Variants in ZNF257 observed in about 807,000 individuals in gnomAD.
The protein encoded by ZNF257 is zinc finger protein 257.
ZNF257 carries 12 observed loss-of-function variants against 11.9 expected under a neutral mutation model. That is an observed-to-expected ratio of 1.01 (90% CI 0.65 to 1.63). The LOEUF is 1.63. Ranked by LOEUF, ZNF257 falls within the 40% of genes most tolerant of loss-of-function variation. The probability of loss-of-function intolerance (pLI) is 0.00; values close to 1 mark genes in which losing one functional copy is unlikely to be tolerated. For missense variants in ZNF257, 580 were observed against 665.5 expected (o/e 0.87, Z 1.41); for synonymous variants, 183 against 222.7 (o/e 0.82, Z 1.59).
intron 2 of ZNF257, 136 bp from the exon 3 acceptor site, chr19:22,073,333 G>C: frequency 9.2e-7 from 1 of 1,085,150 alleles, no homozygotes; most frequent in South Asian, 2.2e-5. Context: ...TAAATATTTA[G>C]AAATTTCTGT....
chr19:22,086,180 C>T (rs1271089862), intron 3 of ZNF257, among the ~76,000 whole-genome samples: 7 of 151,812 alleles, frequency 4.6e-5, no homozygotes, highest in Admixed American at 2.0e-4. Context: ...GATGTGGTTT[C>T]GCTTCTTTCT....
chr19:22,054,457 T>G (rs1480829025), intron 1 of ZNF257, among the ~76,000 whole-genome samples: 1 of 152,196 alleles, frequency 6.6e-6, no homozygotes, highest in African/African-American at 2.4e-5. Flanking sequence ...AACTCTGGAT[T>G]GCAAAAATAG....
intron 1 of ZNF257, among the ~76,000 whole-genome samples, chr19:22,065,548 A>G (rs1214369085): frequency 2.6e-5 from 4 of 152,204 alleles, no homozygotes; most frequent in African/African-American, 4.8e-5. Flanking sequence ...CTAGTACATT[A>G]AAATTATATA....
Position 22,089,502 on chromosome 19 carries a change from T to A in ZNF257, c.*60T>A. 1 of 1,543,548 alleles carries A rather than the reference T, an allele frequency of 6.5e-7. No individual in the cohort carries two copies. Among genetic ancestry groups the A allele is most frequent in the Non-Finnish European group, 8.7e-7 (1 of 1,147,684 alleles). ...AAAGCTTTTAACTGTTCCTCAATCC[T>A]TACTAAACATAAGGGAATTCATAAT... On this transcript the variant is annotated 3_prime_UTR_variant, in exon 4 of 4. Coordinates refer to ENST00000594947, the MANE Select transcript of ZNF257 (RefSeq NM_033468.4).
intron 1 of ZNF257, among the ~76,000 whole-genome samples, chr19:22,066,590 T>A (rs779079288): frequency 1.3e-5 from 2 of 150,660 alleles, no homozygotes; most frequent in Middle Eastern, 3.2e-3. Context: ...TATTTTAAAA[T>A]GTAAATAGCC....
At chr19:22,055,225 G>A (rs1039709320) in intron 1 of ZNF257, among the ~76,000 whole-genome samples, 19 of 152,058 alleles carry the variant, frequency 1.2e-4, no homozygotes, top group Admixed American at 9.2e-4. Context: ...TGGTTTCTTT[G>A]AGACAGAGTC....
At chr19:22,058,245 A>C (rs1464607304) in intron 1 of ZNF257, among the ~76,000 whole-genome samples, 1 of 151,856 alleles carries the variant, frequency 6.6e-6, no homozygotes, top group Non-Finnish European at 1.5e-5. Context: ...TACCTGGATT[A>C]CCTATGTGCT....
intron 1 of ZNF257, among the ~76,000 whole-genome samples, chr19:22,058,208 T>C (rs572289956): frequency 6.6e-6 from 1 of 152,234 alleles, no homozygotes; most frequent in East Asian, 1.9e-4. Flanking sequence ...ACACAAAGGA[T>C]GGAGAATTTT....
rs139872956 is a variant in ZNF257 at position 22,066,302 on chromosome 19, A to G, written c.4-6507A>G. The G allele has an allele frequency of 5.2e-3, 792 of 152,836 alleles. 8 individuals are homozygous for G. Among genetic ancestry groups the G allele is most frequent in the African/African-American group, 0.018 (757 of 41,550 alleles). 9.5% of individuals were successfully genotyped at this position (152,836 alleles called of 1,614,324 possible). On this transcript the variant is annotated intron_variant, in intron 1 of 3. Coordinates refer to ENST00000594947, the MANE Select transcript of ZNF257 (RefSeq NM_033468.4). ...ATGTCACCATTATAAATTGGCACTG[A>G]GGCTGAAACACTTCTTCCATTCCCT...
chr19:22,074,082 A>C (rs770795765), intron 3 of ZNF257, among the ~76,000 whole-genome samples: 4 of 151,706 alleles, frequency 2.6e-5, no homozygotes, highest in Non-Finnish European at 5.9e-5. Flanking sequence ...TTTTTCCTGA[A>C]GATTGCTTTG....
At chr19:22,083,212 G>A (rs1258349711) in intron 3 of ZNF257, among the ~76,000 whole-genome samples, 1 of 152,148 alleles carries the variant, frequency 6.6e-6, no homozygotes, top group Non-Finnish European at 1.5e-5. Context: ...GCTCACACCT[G>A]TAATCCCAGC....
At chr19:22,073,601 A>G (rs919244649) in intron 3 of ZNF257, 37 bp downstream of exon 3, 3 of 1,588,524 alleles carry the variant, frequency 1.9e-6, no homozygotes, top group Non-Finnish European at 1.7e-6. Flanking sequence ...CAGGTGAAAC[A>G]GATGAGAGAT....
chr19:22,086,599 G>C (rs2022482035), intron 3 of ZNF257, among the ~76,000 whole-genome samples: 1 of 151,452 alleles, frequency 6.6e-6, no homozygotes, highest in Non-Finnish European at 1.5e-5. Flanking sequence ...ATCTATATAG[G>C]CCATATGCAG....
chr19:22,058,833 G>T (rs1477595928), intron 1 of ZNF257, among the ~76,000 whole-genome samples: 2 of 151,962 alleles, frequency 1.3e-5, no homozygotes, highest in African/African-American at 4.8e-5. Flanking sequence ...AGACATTGAG[G>T]TGTCTACACC....
chr19:22,079,530 C>A (rs1485248190), intron 3 of ZNF257, among the ~76,000 whole-genome samples: 1 of 152,130 alleles, frequency 6.6e-6, no homozygotes, highest in Non-Finnish European at 1.5e-5. Context: ...TCATGTCTTA[C>A]ATGGTGGAAG....
intron 1 of ZNF257, among the ~76,000 whole-genome samples, chr19:22,067,842 T>TA (rs1182395436): frequency 4.1e-5 from 6 of 144,658 alleles, no homozygotes; most frequent in African/African-American, 2.9e-5. Context: ...TCAAAAAAAA[T>TA]AAAAAATAAA....
At chr19:22,060,101 T>C (rs928971545) in intron 1 of ZNF257, among the ~76,000 whole-genome samples, 25 of 152,230 alleles carry the variant, frequency 1.6e-4, no homozygotes, top group African/African-American at 5.8e-4. Flanking sequence ...CCATTGTGAA[T>C]AGTGCTGCAA....
At chr19:22,085,156 G>A (rs564671966) in intron 3 of ZNF257, among the ~76,000 whole-genome samples, 7 of 152,074 alleles carry the variant, frequency 4.6e-5, no homozygotes, top group South Asian at 4.1e-4. Flanking sequence ...GGGTCCAAGC[G>A]ATTCTCCTGC....
chr19:22,072,381 C>T (rs1245276334), intron 1 of ZNF257, among the ~76,000 whole-genome samples: 1 of 151,976 alleles, frequency 6.6e-6, no homozygotes, highest in African/African-American at 2.4e-5. Context: ...TACAGTCCAG[C>T]AATACTAGGA....
Sources: allele counts gnomAD v4.1 joint callset (sites outside exome capture counted in the v4.1 genomes callset), GRCh38; gene constraint gnomAD v4.1.1; transcripts MANE v1.5; gene names NCBI Gene and HGNC (gene_info 2026-07-23, HGNC 2026-07-21).